The following ABCA13 variants were observed in gnomAD, a reference collection of about 807,000 sequenced individuals.
ABCA13 encodes the protein ATP binding cassette subfamily A member 13, also known as ATP-binding cassette sub-family A member 13.
In ABCA13, 476 loss-of-function variants were observed where a neutral mutation model predicts 478.7. The observed-to-expected ratio is 0.99, with a 90% CI of 0.92 to 1.07. ABCA13 has a LOEUF of 1.07. Among genes scored for constraint, ABCA13 ranks in the 50% least tolerant of loss-of-function variants. The pLI is 0.00. For missense variants in ABCA13, 6,060 were observed against 5,910.6 expected, an observed-to-expected ratio of 1.03 and a Z score of -0.83; for synonymous variants, 2,252 against 2,158.9, an observed-to-expected ratio of 1.04 and a Z score of -1.20.
intron 55 of ABCA13, among the ~76,000 whole-genome samples, chr7:48,531,375 T>G (rs188024136): frequency 2.0e-5 from 3 of 152,078 alleles, no homozygotes; most frequent in African/African-American, 4.8e-5. Flanking sequence ...CAAGTACCAT[T>G]CTGTTTTGGT....
At chr7:48,202,168 G>C (rs1165981481) in intron 3 of ABCA13, among the ~76,000 whole-genome samples, 1 of 152,166 alleles carries the variant, frequency 6.6e-6, no homozygotes, top group Non-Finnish European at 1.5e-5. Flanking sequence ...AGTGGAAGGG[G>C]ACCCTAGTGG....
At chr7:48,535,093 A>G (rs1327191094) in intron 55 of ABCA13, among the ~76,000 whole-genome samples, 2 of 152,080 alleles carry the variant, frequency 1.3e-5, no homozygotes, top group Non-Finnish European at 2.9e-5. Context: ...ATGTTTTGTC[A>G]TATTACCGGA....
chr7:48,426,927 C>T (rs1821503345), intron 41 of ABCA13, among the ~76,000 whole-genome samples: 1 of 61,740 alleles, frequency 1.6e-5, no homozygotes, highest in Non-Finnish European at 2.9e-5. Context: ...TGGTGCAGTC[C>T]TATGCCTGCA....
intron 38 of ABCA13, among the ~76,000 whole-genome samples, chr7:48,397,281 T>A (rs1374057303): frequency 6.6e-6 from 1 of 152,080 alleles, no homozygotes; most frequent in Admixed American, 6.6e-5. Context: ...CTCCAAGAGA[T>A]ATTGCCTGAG....
At chr7:48,346,520 G>GC (rs1259886079) in intron 29 of ABCA13, among the ~76,000 whole-genome samples, 2 of 147,002 alleles carry the variant, frequency 1.4e-5, no homozygotes, top group African/African-American at 5.1e-5. Flanking sequence ...AAAAAAAAAA[G>GC]CCCCCCACAA....
chr7:48,589,328 A>G (rs1789501484), intron 57 of ABCA13, among the ~76,000 whole-genome samples: 1 of 152,050 alleles, frequency 6.6e-6, no homozygotes, highest in South Asian at 2.1e-4. Context: ...AATTCATTTT[A>G]GAAACATCAG....
At chr7:48,176,450 C>T (rs1205522195) in intron 1 of ABCA13, among the ~76,000 whole-genome samples, 2 of 152,218 alleles carry the variant, frequency 1.3e-5, no homozygotes, top group African/African-American at 2.4e-5. Flanking sequence ...ATGGAAACCA[C>T]ATCCCAGAAC....
intron 40 of ABCA13, among the ~76,000 whole-genome samples, chr7:48,410,977 C>CTTTCTTTCTT (rs770039676): frequency 1.9e-5 from 2 of 104,642 alleles, no homozygotes; most frequent in African/African-American, 7.2e-5. Flanking sequence ...AAATTCTTTT[C>CTTTCTTTCTT]TCTTTCTTTC....
At chr7:48,317,017 C>A in intron 26 of ABCA13, 140 bp from the exon 27 acceptor site, 1 of 1,004,552 alleles carries the variant, frequency 1.0e-6, no homozygotes. Context: ...AACTATAGCA[C>A]TCCCAAAGTT....
intron 19 of ABCA13, among the ~76,000 whole-genome samples, chr7:48,282,525 G>A (rs1479978236): frequency 6.6e-6 from 1 of 152,044 alleles, no homozygotes; most frequent in Non-Finnish European, 1.5e-5. Flanking sequence ...GGGTGGATCC[G>A]ATCAGATCAA....
intron 31 of ABCA13, among the ~76,000 whole-genome samples, chr7:48,356,360 ACTT>A (rs563576487): frequency 5.3e-5 from 8 of 151,270 alleles, no homozygotes; most frequent in East Asian, 1.9e-4. Flanking sequence ...ATGGGAGGTG[ACTT>A]CTTCTTCTTC....
At chr7:48,247,484 C>T (rs57919572) in intron 13 of ABCA13, among the ~76,000 whole-genome samples, 25,261 of 151,976 alleles carry the variant, frequency 0.17, 2,458 homozygotes, top group African/African-American at 0.28. Context: ...ATACGTATCA[C>T]TAACAAATCA....
At chr7:48,333,503 A>G (rs913284482) in intron 27 of ABCA13, among the ~76,000 whole-genome samples, 7 of 152,080 alleles carry the variant, frequency 4.6e-5, no homozygotes, top group African/African-American at 1.7e-4. Flanking sequence ...TATTTTTATA[A>G]TGGGTGGTTT....
At chr7:48,392,227 A>T (rs1231790055) in intron 38 of ABCA13, 88 bp downstream of exon 38, 1 of 1,221,232 alleles carries the variant, frequency 8.2e-7, no homozygotes. Context: ...TTAAAAAATC[A>T]TCTGTGTCTA....
chr7:48,339,572 C>T (rs1485398781), intron 29 of ABCA13, among the ~76,000 whole-genome samples: 2 of 152,192 alleles, frequency 1.3e-5, no homozygotes, highest in African/African-American at 2.4e-5. Flanking sequence ...CAACATGTTG[C>T]TGCTTAGCCA....
At chr7:48,235,719 G>T (rs1267100591) in intron 8 of ABCA13, among the ~76,000 whole-genome samples, 1 of 152,176 alleles carries the variant, frequency 6.6e-6, no homozygotes, top group African/African-American at 2.4e-5. Flanking sequence ...CATCTTCAAT[G>T]GCTGGGGCTC....
chr7:48,524,610 G>A (rs1223963537), intron 54 of ABCA13, among the ~76,000 whole-genome samples, 170 bp downstream of exon 54: 3 of 151,666 alleles, frequency 2.0e-5, no homozygotes, highest in Non-Finnish European at 4.4e-5. Context: ...AGGGTCTGTT[G>A]ACTATTTCAT....
chr7:48,581,710 T>A (rs767625266), intron 56 of ABCA13, among the ~76,000 whole-genome samples: 6 of 152,256 alleles, frequency 3.9e-5, no homozygotes, highest in African/African-American at 7.2e-5. Context: ...TGAATTGTTC[T>A]ACCAATAAAA....
intron 3 of ABCA13, among the ~76,000 whole-genome samples, chr7:48,200,916 TG>T: frequency 6.6e-6 from 1 of 152,364 alleles, no homozygotes; most frequent in African/African-American, 2.4e-5. Context: ...CCCAGCGCTT[TG>T]GGTTGTTGGG....
Sources: allele counts gnomAD v4.1 joint callset (sites outside exome capture counted in the v4.1 genomes callset), GRCh38; gene constraint gnomAD v4.1.1; transcripts MANE v1.5; gene names NCBI Gene and HGNC (gene_info 2026-07-23, HGNC 2026-07-21).